APPL1: variants seen among roughly 807,000 people sequenced by gnomAD.
APPL1 encodes adaptor protein, phosphotyrosine interacting with PH domain and leucine zipper 1.
A neutral mutation model predicts 106.8 loss-of-function variants in APPL1; 42 were observed. That is an observed-to-expected ratio of 0.39 (90% CI 0.31 to 0.51). The LOEUF is 0.51. APPL1 is among the 20% of genes least tolerant of loss of function. The pLI is 0.75. For missense variants in APPL1, 769 were observed against 858.2 expected (o/e 0.90, Z 1.30); for synonymous variants, 263 against 281.8 (o/e 0.93, Z 0.67).
intron 2 of APPL1, among the ~76,000 whole-genome samples, chr3:57,236,932 ATGT>A (rs1253371975): frequency 2.6e-5 from 4 of 152,098 alleles, no homozygotes; most frequent in Admixed American, 6.5e-5. Context: ...AAGAGTTGCT[ATGT>A]TGTTGTTTAG....
At chr3:57,250,804 CTTT>C (rs71088045) in intron 11 of APPL1, among the ~76,000 whole-genome samples, 1 of 110,280 alleles carries the variant, frequency 9.1e-6, no homozygotes, top group Non-Finnish European at 1.8e-5. Flanking sequence ...AACTTTCTTT[CTTT>C]TTTTTTTTTT....
At chr3:57,234,076 A>G (rs1000130706) in intron 1 of APPL1, among the ~76,000 whole-genome samples, 1 of 152,162 alleles carries the variant, frequency 6.6e-6, no homozygotes, top group Non-Finnish European at 1.5e-5. Flanking sequence ...ATGAGACCCT[A>G]TCTCAAACAA....
chr3:57,244,489 C>T (rs2060762605), intron 7 of APPL1, among the ~76,000 whole-genome samples: 1 of 152,058 alleles, frequency 6.6e-6, no homozygotes, highest in African/African-American at 2.4e-5. Flanking sequence ...GTGACATTTA[C>T]ATTAAAGATA....
chr3:57,236,993 A>G (rs2060719744), intron 2 of APPL1, among the ~76,000 whole-genome samples: 1 of 152,210 alleles, frequency 6.6e-6, no homozygotes, highest in South Asian at 2.1e-4. Flanking sequence ...GACTACAGAG[A>G]TATATGATTA....
Position 57,242,086 on chromosome 3 carries a change from C to A in APPL1, c.374-15C>A. 1 of 1,567,726 alleles carries A rather than the reference C, an allele frequency of 6.4e-7. No individual in the cohort carries two copies. The highest frequency in any genetic ancestry group is 8.7e-7 in the Non-Finnish European group (1 of 1,145,562). On this transcript the variant is annotated splice_polypyrimidine_tract_variant and intron_variant, in intron 5 of 21. Coordinates refer to ENST00000288266, the MANE Select transcript of APPL1 (RefSeq NM_012096.3). The stretch of plus-strand genomic sequence containing the variant: ...ATAAATGTGCCAAACTTAAATTATT[C>A]TTGAACTTTTTCAGAAATACTAACA...
At chr3:57,240,660 C>A in intron 5 of APPL1, 108 bp downstream of exon 5, 1 of 938,428 alleles carries the variant, frequency 1.1e-6, no homozygotes, top group Non-Finnish European at 1.7e-6. Flanking sequence ...CTATGCCACT[C>A]TTACTTTGCT....
chr3:57,232,835 T>C (rs2060694577), intron 1 of APPL1, among the ~76,000 whole-genome samples: 1 of 152,092 alleles, frequency 6.6e-6, no homozygotes. Flanking sequence ...ACCCCGTCTC[T>C]ACTAAAAATA....
chr3:57,230,896 A>G, intron 1 of APPL1: 1 of 304,980 alleles, frequency 3.3e-6, no homozygotes, highest in Non-Finnish European at 6.5e-6. Flanking sequence ...ATTTTATTTT[A>G]TTTTATTTTT....
intron 2 of APPL1, among the ~76,000 whole-genome samples, chr3:57,236,323 C>T (rs1211667500): frequency 2.7e-5 from 4 of 149,172 alleles, no homozygotes; most frequent in African/African-American, 9.9e-5. Flanking sequence ...AGATTGTACC[C>T]AGCCCCCTTT....
At chr3:57,254,663 T>C (rs1283961981) in intron 13 of APPL1, among the ~76,000 whole-genome samples, 1 of 152,188 alleles carries the variant, frequency 6.6e-6, no homozygotes, top group Non-Finnish European at 1.5e-5. Context: ...CTTGCGGTGT[T>C]GCCCAGACTG....
intron 19 of APPL1, among the ~76,000 whole-genome samples, chr3:57,263,321 G>A (rs774050720): frequency 6.6e-6 from 1 of 151,222 alleles, no homozygotes; most frequent in East Asian, 1.9e-4. Flanking sequence ...ATTATTGACC[G>A]TAGTCCCCCG....
chr3:57,248,121 T>C (rs2060784475), intron 9 of APPL1, 72 bp from the exon 10 acceptor site: 9 of 1,448,326 alleles, frequency 6.2e-6, no homozygotes, highest in African/African-American at 4.2e-5. Flanking sequence ...GAAACAAATA[T>C]GCAGGTAAAC....
chr3:57,234,315 T>A (rs1015859484), intron 1 of APPL1, among the ~76,000 whole-genome samples: 1 of 149,530 alleles, frequency 6.7e-6, no homozygotes, highest in African/African-American at 2.5e-5. Context: ...TTTTTTTTTT[T>A]GAGACGGAGT....
At chr3:57,251,501 G>A (rs2060804381) in intron 11 of APPL1, among the ~76,000 whole-genome samples, 1 of 150,032 alleles carries the variant, frequency 6.7e-6, no homozygotes, top group South Asian at 2.1e-4. Context: ...CTTCAGCCTG[G>A]GTGACAGAGT....
chr3:57,245,029 G>C (rs1366227886), intron 7 of APPL1, among the ~76,000 whole-genome samples: 1 of 152,092 alleles, frequency 6.6e-6, no homozygotes. Context: ...CAAAGCAGAA[G>C]AACAGGTTTT....
intron 1 of APPL1, among the ~76,000 whole-genome samples, chr3:57,231,840 A>G (rs1244344933): frequency 2.0e-5 from 3 of 151,166 alleles, no homozygotes; most frequent in Admixed American, 6.6e-5. Context: ...CCTGGGAGTG[A>G]TGGAAGACTA....
At chr3:57,230,805 T>C (rs1193654157) in intron 1 of APPL1, 1 of 450,078 alleles carries the variant, frequency 2.2e-6, no homozygotes, top group Non-Finnish European at 4.5e-6. Flanking sequence ...AGAGTCTCAC[T>C]GTCACGTAGG....
chr3:57,267,802 C>G lies in APPL1; in HGVS notation c.1893+10C>G. The stretch of plus-strand genomic sequence containing the variant: ...TTTGCATGCTGAACTGGTAAGAATC[C>G]AAGATGTGGCTGGGCACAGTGGTTC... On this transcript the variant is annotated intron_variant, in intron 20 of 21. Coordinates refer to ENST00000288266, the MANE Select transcript of APPL1 (RefSeq NM_012096.3). 1 of 1,612,946 alleles carries G rather than the reference C, an allele frequency of 6.2e-7. No individual in the cohort carries two copies. The highest frequency in any genetic ancestry group is 8.5e-7 in the Non-Finnish European group (1 of 1,179,850).
chr3:57,250,577 C>T (rs1405238630), intron 11 of APPL1, among the ~76,000 whole-genome samples: 5 of 152,098 alleles, frequency 3.3e-5, no homozygotes, highest in African/African-American at 1.2e-4. Context: ...ACTTTTTTGT[C>T]CATTGCCTTC....
Sources: gnomAD v4.1 joint callset for allele counts (sites outside exome capture counted in the v4.1 genomes callset) on GRCh38, gnomAD v4.1.1 for gene constraint, MANE v1.5 for transcripts, NCBI Gene and HGNC (gene_info 2026-07-23, HGNC 2026-07-21) for gene names.